The following PHKB variants were observed in gnomAD, a reference collection of about 807,000 sequenced individuals.
PHKB encodes the protein phosphorylase kinase regulatory subunit beta, also known as phosphorylase b kinase regulatory subunit beta.
PHKB carries 122 observed loss-of-function variants against 152.1 expected under a neutral mutation model. The ratio of observed to expected loss-of-function variants is 0.80; its 90% CI spans 0.69 to 0.93. The LOEUF (loss-of-function observed/expected upper bound fraction) is 0.93. Among genes scored for constraint, PHKB ranks in the 40% least tolerant of loss-of-function variants. PHKB has a pLI of 0.00. For missense variants in PHKB, 1,304 were observed against 1,328.4 expected (o/e 0.98, Z 0.29); for synonymous variants, 436 against 464.9 (o/e 0.94, Z 0.80).
intron 13 of PHKB, among the ~76,000 whole-genome samples, chr16:47,601,780 A>G (rs968541497): frequency 6.6e-6 from 1 of 152,086 alleles, no homozygotes; most frequent in Admixed American, 6.6e-5. Context: ...TATCCTGTAC[A>G]TCAGACATTC....
At chr16:47,666,709 C>T (rs1030667490) in intron 25 of PHKB, among the ~76,000 whole-genome samples, 6 of 152,238 alleles carry the variant, frequency 3.9e-5, no homozygotes, top group Non-Finnish European at 5.9e-5. Context: ...GTCCAGTACA[C>T]GTCCCAATGT....
chr16:47,680,628 T>G (rs1973833178), intron 26 of PHKB, among the ~76,000 whole-genome samples: 2 of 152,202 alleles, frequency 1.3e-5, no homozygotes. Flanking sequence ...CCTTTGTCCT[T>G]TTTTATTGCG....
At chr16:47,660,950 C>T (rs1269197374) in intron 22 of PHKB, 131 bp downstream of exon 22, 3 of 863,640 alleles carry the variant, frequency 3.5e-6, no homozygotes, top group African/African-American at 3.3e-5. Flanking sequence ...GACTTGTCTA[C>T]TCCCAGGGCA....
chr16:47,543,171 T>TG (rs1971093219), intron 6 of PHKB, among the ~76,000 whole-genome samples: 1 of 152,218 alleles, frequency 6.6e-6, no homozygotes, highest in Non-Finnish European at 1.5e-5. Flanking sequence ...TTGAGATACA[T>TG]TCCATCAATA....
intron 7 of PHKB, among the ~76,000 whole-genome samples, chr16:47,564,291 C>A (rs550699616): frequency 5.3e-5 from 8 of 152,184 alleles, no homozygotes; most frequent in African/African-American, 1.9e-4. Context: ...TCATTCCCAT[C>A]AATAGTGTAT....
chr16:47,541,809 G>A (rs1433857157), intron 6 of PHKB, among the ~76,000 whole-genome samples: 1 of 151,940 alleles, frequency 6.6e-6, no homozygotes, highest in African/African-American at 2.4e-5. Context: ...TTTGAAAAGT[G>A]TCTGTTCATA....
chr16:47,614,289 C>A (rs1386176229), intron 14 of PHKB, among the ~76,000 whole-genome samples: 2 of 152,196 alleles, frequency 1.3e-5, no homozygotes, highest in Non-Finnish European at 2.9e-5. Context: ...CACATCCCAC[C>A]AGTCCCTACC....
intron 1 of PHKB, among the ~76,000 whole-genome samples, chr16:47,469,870 T>C (rs1324701065): frequency 1.3e-5 from 2 of 152,238 alleles, no homozygotes; most frequent in Non-Finnish European, 1.5e-5. Flanking sequence ...GAGATAATAG[T>C]ATATCCCTCA....
intron 1 of PHKB, among the ~76,000 whole-genome samples, chr16:47,485,019 C>T (rs1442116984): frequency 6.6e-6 from 1 of 152,126 alleles, no homozygotes; most frequent in African/African-American, 2.4e-5. Flanking sequence ...AAATGTTATA[C>T]ATATATAGTT....
At chr16:47,461,555 G>A (rs1969556986) in intron 1 of PHKB, 129 bp downstream of exon 1, 1 of 945,658 alleles carries the variant, frequency 1.1e-6, no homozygotes, top group East Asian at 2.5e-5. Context: ...TTAGAAAGCA[G>A]GTGGCGGCCC....
intron 7 of PHKB, among the ~76,000 whole-genome samples, chr16:47,576,854 G>A (rs1464068659): frequency 6.6e-6 from 1 of 151,718 alleles, no homozygotes; most frequent in Non-Finnish European, 1.5e-5. Flanking sequence ...ATATTTGAGG[G>A]GACTTTTTTA....
At chr16:47,655,461 A>G (rs1973319073) in intron 20 of PHKB, among the ~76,000 whole-genome samples, 2 of 152,214 alleles carry the variant, frequency 1.3e-5, no homozygotes, top group South Asian at 4.1e-4. Context: ...ATTTTACTTT[A>G]AAGTTTAATA....
intron 1 of PHKB, among the ~76,000 whole-genome samples, chr16:47,479,257 G>A (rs182722582): frequency 2.9e-4 from 44 of 152,176 alleles, no homozygotes; most frequent in Non-Finnish European, 1.9e-4. Context: ...TTGTCAGTAC[G>A]GTGATGCAAA....
chr16:47,568,694 G>C (rs1319595458), intron 7 of PHKB, among the ~76,000 whole-genome samples: 1 of 152,104 alleles, frequency 6.6e-6, no homozygotes, highest in Non-Finnish European at 1.5e-5. Context: ...TGCTTTTGCT[G>C]TATCCCAGGA....
Position 47,565,934 on chromosome 16 carries a change from A to G in PHKB, c.711-14361A>G, listed in dbSNP as rs928356876. ...GTTTGGGTCTTTGTGGGGGACCTCT[A>G]TCATCACGCCTATAATCATCCCAAG... On this transcript the variant is annotated intron_variant, in intron 7 of 30. Coordinates refer to ENST00000323584, the MANE Select transcript of PHKB (RefSeq NM_000293.3). The G allele has an allele frequency of 3.3e-5, 32 of 977,760 alleles. No homozygotes were observed. The African/African-American group carries it at 4.6e-4, about 14-fold the overall frequency. 60.6% of individuals were successfully genotyped at this position (977,760 alleles called of 1,614,324 possible).
chr16:47,622,765 C>T (rs1283139468), intron 14 of PHKB, among the ~76,000 whole-genome samples: 1 of 152,064 alleles, frequency 6.6e-6, no homozygotes, highest in Non-Finnish European at 1.5e-5. Context: ...CTGCAAGTTT[C>T]CAAATTGAGG....
In PHKB at chr16:47,503,105, T is replaced by C. The variant is rs751461811; in HGVS notation, c.405+15T>C. The stretch of plus-strand genomic sequence containing the variant: ...AGGCCGATAAGGTAAAACATTGTGG[T>C]GTGGACGGGAATTCTCCCATCATTC... On this transcript the variant is annotated intron_variant, in intron 4 of 30. Transcript: ENST00000323584. 1.6e-5 allele frequency: 24 copies of C among 1,459,344 alleles called. No individual in the cohort carries two copies. In the Admixed American group the frequency reaches 4.0e-4, roughly 24 times the overall value. The allele number at this position is 1,459,344 out of a possible 1,614,324, so 90.4% of individuals were successfully genotyped here.
intron 7 of PHKB, among the ~76,000 whole-genome samples, chr16:47,572,991 G>A (rs1032521250): frequency 1.3e-5 from 2 of 152,146 alleles, no homozygotes; most frequent in Non-Finnish European, 2.9e-5. Flanking sequence ...GTCCTAAGCT[G>A]TAGGAGTGGG....
At chr16:47,612,710 T>TG (rs2151710256) in intron 14 of PHKB, among the ~76,000 whole-genome samples, 1 of 151,690 alleles carries the variant, frequency 6.6e-6, no homozygotes, top group East Asian at 1.9e-4. Flanking sequence ...GAGAGGGAGG[T>TG]GATGGGGAGA....
Sources: allele counts gnomAD v4.1 joint callset (sites outside exome capture counted in the v4.1 genomes callset), GRCh38; gene constraint gnomAD v4.1.1; transcripts MANE v1.5; gene names NCBI Gene and HGNC (gene_info 2026-07-23, HGNC 2026-07-21).